The following THSD7A variants were observed in gnomAD, a reference collection of about 807,000 sequenced individuals.
The protein encoded by THSD7A is thrombospondin type-1 domain-containing protein 7A.
THSD7A carries 96 observed loss-of-function variants against 231.3 expected under a neutral mutation model. The ratio of observed to expected loss-of-function variants is 0.41; its 90% confidence interval spans 0.35 to 0.49. The LOEUF (loss-of-function observed/expected upper bound fraction) is 0.49, where lower values mean the gene tolerates loss of function less well. Ranked by LOEUF, THSD7A falls within the 20% of genes least tolerant of loss-of-function variation. The probability of loss-of-function intolerance (pLI) is 0.05; values close to 1 mark genes in which losing one functional copy is unlikely to be tolerated. For missense variants in THSD7A, 2,290 were observed against 2,070.2 expected, an observed-to-expected ratio of 1.11 and a Z score of -2.06; for synonymous variants, 940 against 743.3, an observed-to-expected ratio of 1.26 and a Z score of -4.30.
At chr7:11,608,408 G>T (rs1780808427) in intron 2 of THSD7A, among the ~76,000 whole-genome samples, 1 of 152,116 alleles carries the variant, frequency 6.6e-6, no homozygotes, top group African/African-American at 2.4e-5. Flanking sequence ...TGTGAAAAAT[G>T]AGAGGGAGAG....
intron 1 of THSD7A, among the ~76,000 whole-genome samples, chr7:11,662,043 A>C (rs142403079): frequency 1.3e-5 from 2 of 151,258 alleles, no homozygotes; most frequent in Non-Finnish European, 3.0e-5. Flanking sequence ...AATCAGAGAA[A>C]GAAAGGAGAG....
rs766953885 is a variant in THSD7A at position 11,783,937 on chromosome 7, T to C, written c.190+47820A>G. Among the ~76,000 whole-genome samples, 3 of 152,136 alleles carry C rather than the reference T, an allele frequency of 2.0e-5. No individual in the cohort carries two copies. The South Asian group carries it at 6.2e-4, about 32-fold the overall frequency. On this transcript the variant is annotated intron_variant, in intron 1 of 27. Transcript: ENST00000423059. ...AAGAAAATCCCCTTTTGTCACTTCA[T>C]TAATTACCAATACATAGGCTCACTT...
chr7:11,509,574 T>C (rs1419000161), intron 6 of THSD7A, among the ~76,000 whole-genome samples: 1 of 151,962 alleles, frequency 6.6e-6, no homozygotes. Context: ...GGCTCATGTC[T>C]GTAATCCCAG....
At chr7:11,764,206 T>G (rs970825317) in intron 1 of THSD7A, among the ~76,000 whole-genome samples, 4 of 152,234 alleles carry the variant, frequency 2.6e-5, no homozygotes, top group Non-Finnish European at 5.9e-5. Context: ...GGTCAGTGCT[T>G]GACAACACAG....
intron 4 of THSD7A, among the ~76,000 whole-genome samples, chr7:11,567,517 AT>A (rs1358167259): frequency 6.6e-6 from 1 of 152,160 alleles, no homozygotes; most frequent in African/African-American, 2.4e-5. Context: ...AAGAAATTTT[AT>A]TGCTTTCTGC....
At chr7:11,588,601 T>C (rs1780014156) in intron 4 of THSD7A, among the ~76,000 whole-genome samples, 1 of 152,206 alleles carries the variant, frequency 6.6e-6, no homozygotes, top group Admixed American at 6.5e-5. Flanking sequence ...TCTGCAGTGA[T>C]TTAGCAGTGG....
Position 11,636,029 on chromosome 7 carries a change from C to A in THSD7A, c.1022+101G>T. On this transcript the variant is annotated intron_variant, in intron 2 of 27. Transcript: ENST00000423059. The surrounding 1 kb of genome is among the most constrained non-coding windows in gnomAD (Gnocchi z 10.0). ...TGGGGGTAGCTCATCCTAGGTTGTG[C>A]CCCTACGTAATCCAGAAGTTATTAG... The A allele has an allele frequency of 8.8e-7, 1 of 1,137,922 alleles. No homozygotes were observed. Among genetic ancestry groups the A allele is most frequent in the Non-Finnish European group, 1.2e-6 (1 of 804,024 alleles). The allele number at this position is 1,137,922 out of a possible 1,614,324, so 70.5% of individuals were successfully genotyped here.
intron 1 of THSD7A, among the ~76,000 whole-genome samples, chr7:11,655,526 T>C (rs1185310580): frequency 6.6e-6 from 1 of 151,916 alleles, no homozygotes; most frequent in East Asian, 1.9e-4. Context: ...TTGTTCCTTC[T>C]TCCTAATAAG....
chr7:11,566,422 A>AT (rs1343665808), intron 4 of THSD7A, among the ~76,000 whole-genome samples: 2 of 152,204 alleles, frequency 1.3e-5, no homozygotes, highest in Non-Finnish European at 2.9e-5. Context: ...AGGGATATGG[A>AT]TTTTTAACAC....
chr7:11,740,725 C>G (rs969530617), intron 1 of THSD7A, among the ~76,000 whole-genome samples: 3 of 151,880 alleles, frequency 2.0e-5, no homozygotes, highest in Non-Finnish European at 4.4e-5. Context: ...TTTCCATTAC[C>G]TGTCTTTAGA....
intron 6 of THSD7A, among the ~76,000 whole-genome samples, chr7:11,516,543 G>T (rs375229023): frequency 1.3e-5 from 2 of 152,302 alleles, no homozygotes; most frequent in Middle Eastern, 3.4e-3. Flanking sequence ...GTGCAGAGAT[G>T]ACCTTGTTTG....
At position 11,593,258 on chromosome 7, in the gene THSD7A, C is replaced by T. The variant is rs1780234754; in HGVS notation, c.1267G>A (p.Ala423Thr). ...TACCCTTCTTTATTTACTCACGTGGCACAGGGGACAACTCCATCTCCTTGA... is the reference window on the plus strand; with the variant it reads ...TACCCTTCTTTATTTACTCACGTGGTACAGGGGACAACTCCATCTCCTTGA... Reference protein sequence around the residue: ...LSQGDGVVPCATYGWRTTEWT... With the variant: ...LSQGDGVVPCTTYGWRTTEWT... Residue 423 changes from alanine to threonine, a missense_variant, in exon 3 of 28, where the codon GCC becomes ACC. Transcript: ENST00000423059. 2 of 1,613,848 alleles carry T rather than the reference C, an allele frequency of 1.2e-6. No individual in the cohort carries two copies. The highest frequency in any genetic ancestry group is 3.3e-5 in the Admixed American group (2 of 60,020).
At chr7:11,829,528 A>T (rs1473672604) in intron 1 of THSD7A, among the ~76,000 whole-genome samples, 1 of 152,080 alleles carries the variant, frequency 6.6e-6, no homozygotes, top group Non-Finnish European at 1.5e-5. Context: ...CATCATTTTA[A>T]TTCAATAATC....
chr7:11,703,938 T>C (rs1200902440), intron 1 of THSD7A, among the ~76,000 whole-genome samples: 1 of 151,120 alleles, frequency 6.6e-6, no homozygotes, highest in African/African-American at 2.4e-5. Flanking sequence ...CTGGAATTAA[T>C]TGGGGTATAA....
chr7:11,406,459 C>T lies in THSD7A; in HGVS notation c.4078G>A (p.Glu1360Lys), dbSNP rs375932368. 24 of 1,611,404 alleles carry T rather than the reference C, an allele frequency of 1.5e-5. No homozygotes were observed. The highest frequency in any genetic ancestry group is 1.9e-5 in the Non-Finnish European group (22 of 1,179,118). The change falls in exon 22 of 28, where the codon GAA becomes AAA. Residue 1360 changes from glutamate to lysine, a missense_variant. Coordinates refer to ENST00000423059, the MANE Select transcript of THSD7A (RefSeq NM_015204.3). This position sits in a 1 kb window ranked among gnomAD's most constrained non-coding sequence, Gnocchi z 4.7. ...PCQVQEAQCG[E>K]GTRTRNISCV... ...GAAATGTTCCTTGTTCTGGTCCCTT[C>T]TCCACACTGGGCCTCCTGGAATGGA...
chr7:11,681,459 A>G (rs1783866783), intron 1 of THSD7A, among the ~76,000 whole-genome samples: 1 of 152,114 alleles, frequency 6.6e-6, no homozygotes. Context: ...CTTTCAGAAT[A>G]CAGCTGGAAG....
At chr7:11,745,382 C>A (rs1442575339) in intron 1 of THSD7A, among the ~76,000 whole-genome samples, 1 of 151,860 alleles carries the variant, frequency 6.6e-6, no homozygotes, top group Non-Finnish European at 1.5e-5. Context: ...ATTTTTTTCC[C>A]ATTTTGTAGG....
At position 11,481,997 on chromosome 7, in the gene THSD7A, A is replaced by G. The variant is rs765207794; in HGVS notation, c.1823-15T>C. On this transcript the variant is annotated splice_polypyrimidine_tract_variant and intron_variant, in intron 6 of 27. Coordinates refer to ENST00000423059, the MANE Select transcript of THSD7A (RefSeq NM_015204.3). ...AACTTCTTCTCCTGGGGAAAACATG[A>G]CCACCAACAGCTATTATTGTTAAAT... is the stretch of plus-strand genomic sequence containing the variant. 6.3e-7 allele frequency: 1 copy of G among 1,583,246 alleles called. No individual in the cohort carries two copies. Among genetic ancestry groups the G allele is most frequent in the Admixed American group, 1.8e-5 (1 of 57,090 alleles).
intron 1 of THSD7A, among the ~76,000 whole-genome samples, chr7:11,647,545 T>C (rs540998654): frequency 9.9e-5 from 15 of 152,172 alleles, no homozygotes; most frequent in African/African-American, 3.1e-4. Flanking sequence ...GAAAGTCCAG[T>C]GGATTTCATT....
Sources: allele counts gnomAD v4.1 joint callset (sites outside exome capture counted in the v4.1 genomes callset), GRCh38; gene constraint gnomAD v4.1.1; non-coding constraint Gnocchi (gnomAD v3.1); transcripts MANE v1.5; gene names NCBI Gene and HGNC (gene_info 2026-07-23, HGNC 2026-07-21).